PTGER4: variants seen among roughly 807,000 people sequenced by gnomAD.
The protein encoded by PTGER4 is prostaglandin E receptor 4.
In PTGER4, 11 loss-of-function variants were observed where a neutral mutation model predicts 33.2. That is an observed-to-expected ratio of 0.33 (90% CI 0.21 to 0.55). PTGER4 has a LOEUF of 0.55. PTGER4 is among the 20% of genes least tolerant of loss of function. The probability of loss-of-function intolerance (pLI) is 0.92; values close to 1 mark genes in which losing one functional copy is unlikely to be tolerated. For missense variants in PTGER4, 481 were observed against 650.2 expected (o/e 0.74, Z 2.83); for synonymous variants, 275 against 281.5 (o/e 0.98, Z 0.23).
At position 40,693,450 on chromosome 5, in the gene PTGER4, G is replaced by T; in HGVS notation, c.*1072G>T. 4 of 985,958 alleles carry T rather than the reference G, an allele frequency of 4.1e-6. No individual in the cohort carries two copies. Among genetic ancestry groups the T allele is most frequent in the Non-Finnish European group, 4.8e-6 (4 of 829,914 alleles). 61.1% of individuals were successfully genotyped at this position (985,958 alleles called of 1,614,324 possible). A position where few individuals can be genotyped will look rare whatever the true frequency, so the allele number is the denominator to read the frequency against. The stretch of plus-strand genomic sequence containing the variant: ...GCATCAGAAAGCTTTATTTTGAGAT[G>T]TAAAAAGATTCCCAAACGTGGTTAC... On this transcript the variant is annotated 3_prime_UTR_variant, in exon 3 of 3. Coordinates refer to ENST00000302472, the MANE Select transcript of PTGER4 (RefSeq NM_000958.3).
At chr5:40,738,291 G>A in the PTGER4 span, among the ~76,000 whole-genome samples, 17,038 of 151,730 alleles carry the variant, frequency 0.11, 1,286 homozygotes, top group Non-Finnish European at 0.17. Context: ...GTGCGCGCCT[G>A]TAATCCCAGC....
chr5:40,742,198 C>A, the PTGER4 span, among the ~76,000 whole-genome samples: 1 of 151,966 alleles, frequency 6.6e-6, no homozygotes, highest in South Asian at 2.1e-4. Context: ...AAATCCATGC[C>A]TACTTTTTAA....
chr5:40,714,171 GA>G, the PTGER4 span, among the ~76,000 whole-genome samples: 1 of 152,204 alleles, frequency 6.6e-6, no homozygotes, highest in East Asian at 1.9e-4. Flanking sequence ...ACCCTGTCAA[GA>G]AAAATCCCAC....
downstream of PTGER4, among the ~76,000 whole-genome samples, chr5:40,695,223 A>G (rs1050432008): frequency 3.3e-5 from 5 of 152,174 alleles, no homozygotes; most frequent in Non-Finnish European, 7.3e-5. Context: ...CAGGATGGCC[A>G]ACATGGTGAA....
the PTGER4 span, among the ~76,000 whole-genome samples, chr5:40,745,237 A>T: frequency 6.6e-6 from 1 of 152,218 alleles, no homozygotes; most frequent in East Asian, 1.9e-4. Flanking sequence ...AAAACAGGCA[A>T]AACCTAAACA....
At chr5:40,696,785 GA>G (rs1741590092), downstream of PTGER4, 1 of 861,454 alleles carries the variant, frequency 1.2e-6, no homozygotes, top group African/African-American at 1.8e-5. Flanking sequence ...TCTTTCTTGA[GA>G]AGGGGTGAAA....
At chr5:40,704,958 T>C in the PTGER4 span, among the ~76,000 whole-genome samples, 4 of 152,060 alleles carry the variant, frequency 2.6e-5, no homozygotes, top group South Asian at 8.3e-4. Context: ...ATTCTTCACA[T>C]AACTAGAAAA....
chr5:40,715,326 T>C, the PTGER4 span: 1 of 152,234 alleles, frequency 6.6e-6, no homozygotes, highest in Non-Finnish European at 1.5e-5. Context: ...AAGTATTGGT[T>C]TTGACTGGGA....
the PTGER4 span, among the ~76,000 whole-genome samples, chr5:40,705,347 T>C: frequency 6.6e-6 from 1 of 152,164 alleles, no homozygotes; most frequent in African/African-American, 2.4e-5. Flanking sequence ...AAGAGTTACA[T>C]GTAAAACTCA....
rs140488554 is a variant in PTGER4 at position 40,682,318 on chromosome 5, T to C, written c.867+458T>C. The stretch of plus-strand genomic sequence containing the variant: ...ACCATTTTTAAGGAAAGTGGGGTTT[T>C]TGGTGTTTTGATGTATGCAAGGTTT... On this transcript the variant is annotated intron_variant, in intron 2 of 2. Transcript: ENST00000302472. Among the ~76,000 whole-genome samples the C allele has an allele frequency of 5.9e-5, 9 of 152,304 alleles. No individual in the cohort carries two copies. The East Asian group carries it at 1.5e-3, about 26-fold the overall frequency.
chr5:40,699,727 GAATAA>G, the PTGER4 span, among the ~76,000 whole-genome samples: 3 of 151,984 alleles, frequency 2.0e-5, no homozygotes, highest in African/African-American at 7.3e-5. Context: ...CATACAAACA[GAATAA>G]AAGAGAAATA....
chr5:40,734,199 A>G, the PTGER4 span, among the ~76,000 whole-genome samples: 2 of 152,202 alleles, frequency 1.3e-5, no homozygotes, highest in African/African-American at 4.8e-5. Flanking sequence ...GTTGGCCTGC[A>G]AACAAAGGGT....
chr5:40,707,660 T>A, the PTGER4 span, among the ~76,000 whole-genome samples: 8 of 152,096 alleles, frequency 5.3e-5, no homozygotes, highest in African/African-American at 1.9e-4. Flanking sequence ...GGAATTGAAC[T>A]CAGCTCTGCA....
At chr5:40,722,158 T>C in the PTGER4 span, among the ~76,000 whole-genome samples, 1 of 150,986 alleles carries the variant, frequency 6.6e-6, no homozygotes, top group Non-Finnish European at 1.5e-5. Flanking sequence ...TGAGCCGAGA[T>C]CGCACCATGT....
chr5:40,720,324 G>T, the PTGER4 span, among the ~76,000 whole-genome samples: 3 of 152,122 alleles, frequency 2.0e-5, no homozygotes, highest in South Asian at 4.1e-4. Context: ...CCATTAAATT[G>T]TCTTGACACC....
chr5:40,689,698 C>G (rs1330066477), intron 2 of PTGER4, among the ~76,000 whole-genome samples: 1 of 152,158 alleles, frequency 6.6e-6, no homozygotes, highest in East Asian at 1.9e-4. Context: ...AGTAAGGCAG[C>G]AACATCCTCA....
At chr5:40,716,165 C>A in the PTGER4 span, 1 of 1,606,584 alleles carries the variant, frequency 6.2e-7, no homozygotes, top group Non-Finnish European at 8.5e-7. Context: ...TTGATAAAAA[C>A]AGAGCCATCT....
downstream of PTGER4, among the ~76,000 whole-genome samples, chr5:40,697,219 AAAGAAG>A (rs1290615728): frequency 8.2e-6 from 1 of 122,632 alleles, no homozygotes; most frequent in Non-Finnish European, 1.7e-5. Context: ...AAAGAAAAAG[AAAGAAG>A]AAAAGAAAGA....
At chr5:40,730,928 C>T in the PTGER4 span, among the ~76,000 whole-genome samples, 3 of 152,040 alleles carry the variant, frequency 2.0e-5, no homozygotes, top group African/African-American at 7.2e-5. Context: ...GTATATACAA[C>T]ATTAAATAAA....
Sources: gnomAD v4.1 joint callset for allele counts (sites outside exome capture counted in the v4.1 genomes callset) on GRCh38, gnomAD v4.1.1 for gene constraint, MANE v1.5 for transcripts, NCBI Gene and HGNC (gene_info 2026-07-23, HGNC 2026-07-21) for gene names.